RARS2: variants seen among roughly 807,000 people sequenced by gnomAD.
RARS2 encodes probable arginine--tRNA ligase, mitochondrial.
RARS2 carries 67 observed loss-of-function variants against 88.5 expected under a neutral mutation model. The ratio of observed to expected loss-of-function variants is 0.76; its 90% CI spans 0.62 to 0.93. RARS2 has a LOEUF of 0.93. Among genes scored for constraint, RARS2 ranks in the 40% least tolerant of loss-of-function variants. The pLI, the probability that RARS2 is intolerant of heterozygous loss-of-function variation, is 0.00. For synonymous variants in RARS2, 239 were observed against 230.3 expected, an observed-to-expected ratio of 1.04 and a Z score of -0.34; for missense variants, 664 against 684.2, an observed-to-expected ratio of 0.97 and a Z score of 0.33.
intron 1 of RARS2, among the ~76,000 whole-genome samples, chr6:87,577,739 T>C (rs565628523): frequency 6.6e-6 from 1 of 152,276 alleles, no homozygotes; most frequent in East Asian, 1.9e-4. Flanking sequence ...CAACATAAAT[T>C]GGTAAAGGTG....
intron 8 of RARS2, among the ~76,000 whole-genome samples, chr6:87,538,788 CTT>C (rs533908376): frequency 6.5e-4 from 99 of 152,210 alleles, no homozygotes; most frequent in Non-Finnish European, 1.3e-3. Flanking sequence ...AATCCCAGCA[CTT>C]TGGGAGTTTG....
chr6:87,530,642 A>C, intron 9 of RARS2, 142 bp downstream of exon 9: 2 of 1,100,668 alleles, frequency 1.8e-6, no homozygotes, highest in Non-Finnish European at 2.7e-6. Context: ...TTTCAGCCCA[A>C]AAAAAAAATT....
chr6:87,558,077 T>C (rs1274797943), intron 4 of RARS2, among the ~76,000 whole-genome samples: 1 of 151,512 alleles, frequency 6.6e-6, no homozygotes, highest in African/African-American at 2.4e-5. Context: ...CTTGGGAAGC[T>C]GAGGCAGGAG....
chr6:87,541,811 G>A (rs528285786), intron 8 of RARS2, 107 bp downstream of exon 8: 17 of 847,250 alleles, frequency 2.0e-5, no homozygotes, highest in Middle Eastern at 2.6e-4. Context: ...GCAACAGAGC[G>A]AGACCCTGTC....
At position 87,564,211 on chromosome 6, in the gene RARS2, A is replaced by C. The variant is rs1176369972; in HGVS notation, c.132T>G (p.Leu44=). Residue 44 remains leucine, a synonymous_variant, in exon 3 of 20, where the codon CTT becomes CTG. Coordinates refer to ENST00000369536, the MANE Select transcript of RARS2 (RefSeq NM_020320.5). ...CTTTTTCCAATAAAGAATCCACAGA[A>C]AGCTGAAAATCAGCTACTTCTCTAA... ...SQKEEVADFQ[L]SVDSLLEKDN... is the part of the protein sequence containing the mutation. 6.2e-7 allele frequency: 1 copy of C among 1,613,230 alleles called. No individual in the cohort carries two copies.
At chr6:87,530,740 C>G in intron 9 of RARS2, 44 bp downstream of exon 9, 1 of 1,596,850 alleles carries the variant, frequency 6.3e-7, no homozygotes, top group Non-Finnish European at 8.6e-7. Flanking sequence ...CAGCCGAGAG[C>G]TGCACTGCAT....
intron 7 of RARS2, among the ~76,000 whole-genome samples, chr6:87,544,748 T>G (rs1562149642): frequency 6.6e-6 from 1 of 152,282 alleles, no homozygotes; most frequent in South Asian, 2.1e-4. Context: ...ATATGAGAGA[T>G]AATTTGTGGT....
intron 8 of RARS2, among the ~76,000 whole-genome samples, chr6:87,540,294 C>CA (rs534304072): frequency 0.011 from 1,570 of 145,130 alleles, 12 homozygotes; most frequent in African/African-American, 0.035. Flanking sequence ...CTAAAAAATA[C>CA]AAAAAAAAAA....
rs895627784 is a variant in RARS2 at position 87,584,629 on chromosome 6, C to G, written c.36+5293G>C. ...ATCCTTCCCACCATTATTAAGTGCT[C>G]CATGGTAAGCAGGTCTATACAAATC... On this transcript the variant is annotated intron_variant, in intron 1 of 19. Transcript: ENST00000369536. The G allele has an allele frequency of 4.2e-5, 17 of 407,572 alleles. No homozygotes were observed. The Admixed American group carries it at 5.0e-4, about 12-fold the overall frequency. 25.2% of individuals were successfully genotyped at this position (407,572 alleles called of 1,614,324 possible). A position where few individuals can be genotyped will look rare whatever the true frequency, so the allele number is the denominator to read the frequency against.
At position 87,564,180 on chromosome 6, in the gene RARS2, C is replaced by T; in HGVS notation, c.163G>A (p.Asp55Asn). 6.2e-7 allele frequency: 1 copy of T among 1,613,788 alleles called. No homozygotes were observed. Among genetic ancestry groups the T allele is most frequent in the Non-Finnish European group, 8.5e-7 (1 of 1,179,794 alleles). Reference sequence around the variant, plus strand: ...ACTTGAATATCTGGTCTTGAATGGTCATTGTCTTTTTCCAATAAAGAATCC... The same window carrying T: ...ACTTGAATATCTGGTCTTGAATGGTTATTGTCTTTTTCCAATAAAGAATCC... ...SVDSLLEKDN[D>N]HSRPDIQVQA... The change falls in exon 3 of 20, where the codon GAC (aspartate) becomes AAC (asparagine). Residue 55 changes from aspartate to asparagine, a missense_variant. By Grantham distance (23) the Asp-to-Asn change is conservative. Coordinates refer to ENST00000369536, the MANE Select transcript of RARS2 (RefSeq NM_020320.5).
At chr6:87,527,063 C>T (rs1775994251) in intron 10 of RARS2, among the ~76,000 whole-genome samples, 1 of 152,110 alleles carries the variant, frequency 6.6e-6, no homozygotes, top group East Asian at 2.0e-4. Flanking sequence ...GTAATCCTAG[C>T]ACTTTGGGAG....
intron 8 of RARS2, among the ~76,000 whole-genome samples, chr6:87,532,876 G>A (rs1777963305): frequency 6.6e-6 from 1 of 151,954 alleles, no homozygotes; most frequent in African/African-American, 2.4e-5. Flanking sequence ...GTAAAGTATG[G>A]GAAAACAAAA....
intron 1 of RARS2, among the ~76,000 whole-genome samples, chr6:87,588,577 G>A (rs952180800): frequency 1.3e-5 from 2 of 152,086 alleles, no homozygotes; most frequent in African/African-American, 4.8e-5. Flanking sequence ...GTCTACCTAT[G>A]TTGTCCACGC....
chr6:87,523,839 T>C (rs1774784792), intron 11 of RARS2, among the ~76,000 whole-genome samples: 2 of 152,182 alleles, frequency 1.3e-5, no homozygotes, highest in Admixed American at 6.5e-5. Flanking sequence ...TTCTAATATA[T>C]ATATTTGCTT....
chr6:87,514,182 G>A lies in RARS2; in HGVS notation c.*231C>T, dbSNP rs1300580973. 6.6e-6 allele frequency among the ~76,000 whole-genome samples: 1 copy of A among 152,014 alleles called. No individual in the cohort carries two copies. On this transcript the variant is annotated 3_prime_UTR_variant, in exon 20 of 20. Transcript: ENST00000369536. The stretch of plus-strand genomic sequence containing the variant: ...CAAAATTAGCCTGGCGTGATGGCAC[G>A]TGCCTGTAATCCCAGCTACTCAGGA...
chr6:87,559,672 T>A (rs1269587102), intron 4 of RARS2, among the ~76,000 whole-genome samples: 2 of 152,142 alleles, frequency 1.3e-5, no homozygotes, highest in African/African-American at 4.8e-5. Context: ...AAATATTTTT[T>A]AATTTTTATT....
intron 1 of RARS2, among the ~76,000 whole-genome samples, chr6:87,587,607 AT>A (rs1390221872): frequency 6.6e-6 from 1 of 152,198 alleles, no homozygotes; most frequent in Non-Finnish European, 1.5e-5. Context: ...CAATGTATTG[AT>A]GATGTGGCTT....
intron 10 of RARS2, among the ~76,000 whole-genome samples, chr6:87,525,928 A>G (rs892477485): frequency 6.6e-6 from 1 of 152,204 alleles, no homozygotes; most frequent in Non-Finnish European, 1.5e-5. Context: ...AATAACATCA[A>G]CAAAATTAAA....
In RARS2 at chr6:87,518,080, T is replaced by C. The variant is rs937749510; in HGVS notation, c.1511+89A>G. 6.2e-6 allele frequency: 10 copies of C among 1,611,642 alleles called. No homozygotes were observed. In the Admixed American group the frequency reaches 1.2e-4, roughly 19 times the overall value. ...AAGTCTAGAGGCAGAAGGCAGCTAC[T>C]GGACTGTTGACTCTACTGGGCAGCA... On this transcript the variant is annotated intron_variant, in intron 17 of 19. Transcript: ENST00000369536.
Sources: gnomAD v4.1 joint callset for allele counts (sites outside exome capture counted in the v4.1 genomes callset) on GRCh38, gnomAD v4.1.1 for gene constraint, MANE v1.5 for transcripts, NCBI Gene and HGNC (gene_info 2026-07-23, HGNC 2026-07-21) for gene names.